Variants in SLC10A7 observed in about 807,000 individuals in gnomAD.
SLC10A7 encodes the protein solute carrier family 10 member 7.
SLC10A7 carries 29 observed loss-of-function variants against 43.2 expected under a neutral mutation model. The observed-to-expected ratio is 0.67, with a 90% CI of 0.50 to 0.92. The LOEUF (loss-of-function observed/expected upper bound fraction) is 0.92, where lower values mean the gene tolerates loss of function less well. Ranked by LOEUF, SLC10A7 falls within the 40% of genes least tolerant of loss-of-function variation. SLC10A7 has a pLI of 0.00. For missense variants in SLC10A7, 295 were observed against 403.2 expected (o/e 0.73, Z 2.30); for synonymous variants, 152 against 144.8 (o/e 1.05, Z -0.35).
chr4:146,276,081 T>C (rs1030703533), intron 10 of SLC10A7, among the ~76,000 whole-genome samples: 7 of 152,192 alleles, frequency 4.6e-5, no homozygotes, highest in Non-Finnish European at 7.3e-5. Flanking sequence ...CAGATTCTTA[T>C]AGCAAGTGGG....
chr4:146,353,076 C>CA lies in SLC10A7; in HGVS notation c.436-27081dup, dbSNP rs1349138410. Among the ~76,000 whole-genome samples the CA allele has an allele frequency of 4.6e-5, 7 of 151,300 alleles. No individual in the cohort carries two copies. The East Asian group carries it at 9.7e-4, about 21-fold the overall frequency. ...GGAAATAGAGAAACAAAAAACCCTT[C>CA]AAAAAATCAATGAATCCAGGAGCTG... is the stretch of plus-strand genomic sequence containing the variant. On this transcript the variant is annotated intron_variant, in intron 5 of 11. Transcript: ENST00000335472.
Position 146,294,021 on chromosome 4 carries a change from G to A in SLC10A7, c.630C>T (p.Leu210=). 6.2e-7 allele frequency: 1 copy of A among 1,612,512 alleles called. No individual in the cohort carries two copies. Among genetic ancestry groups the A allele is most frequent in the Non-Finnish European group, 8.5e-7 (1 of 1,178,968 alleles). Residue 210 remains leucine (L), a synonymous_variant, in exon 8 of 12, where the codon CTC becomes CTT. Transcript: ENST00000335472. ...PPFGAISSSV[L]LMIIYTTFCD... ...AGAATGTTGTGTAGATGATCATGAGGAGTACACTGCTGCTGATAGCACCAA... is the reference window on the plus strand; with the variant it reads ...AGAATGTTGTGTAGATGATCATGAGAAGTACACTGCTGCTGATAGCACCAA...
chr4:146,388,554 C>T (rs1468631975), intron 5 of SLC10A7, among the ~76,000 whole-genome samples: 4 of 151,942 alleles, frequency 2.6e-5, no homozygotes, highest in Admixed American at 2.6e-4. Flanking sequence ...GTCAGCTGAT[C>T]GAGACCATCC....
chr4:146,283,221 A>C lies in SLC10A7; in HGVS notation c.818T>G (p.Phe273Cys), dbSNP rs1245661777. Residue 273 changes from phenylalanine (F) to cysteine (C), a missense_variant, in exon 10 of 12, where the codon TTC becomes TGC. By Grantham distance (205) the Phe-to-Cys change is radical (BLOSUM62 -2). Transcript: ENST00000335472. ...FTPADTVAII[F>C]CSTHKSLTLG... is the part of the protein sequence containing the mutation. ...TGTAAGGGATTTGTGTGTAGAACAG[A>C]AAATGATAGCCACTGTGTCTGCTGG... The C allele has an allele frequency of 5.0e-6, 8 of 1,613,460 alleles. No homozygotes were observed. The highest frequency in any genetic ancestry group is 6.8e-6 in the Non-Finnish European group (8 of 1,179,572).
intron 4 of SLC10A7, among the ~76,000 whole-genome samples, chr4:146,489,822 A>G (rs567388388): frequency 2.0e-5 from 3 of 152,214 alleles, no homozygotes; most frequent in Admixed American, 2.0e-4. Flanking sequence ...TATTTAGCAA[A>G]CAAGCTTCTA....
At chr4:146,326,843 T>G (rs1733142793) in intron 5 of SLC10A7, among the ~76,000 whole-genome samples, 1 of 152,130 alleles carries the variant, frequency 6.6e-6, no homozygotes, top group South Asian at 2.1e-4. Flanking sequence ...TTTTTATTAA[T>G]GAATTCTACT....
intron 5 of SLC10A7, among the ~76,000 whole-genome samples, chr4:146,366,794 C>T (rs1451472532): frequency 6.6e-6 from 1 of 152,122 alleles, no homozygotes; most frequent in African/African-American, 2.4e-5. Context: ...ATTTTCCCTT[C>T]ATTTGGAAAT....
At chr4:146,413,100 A>T (rs1379180211) in intron 5 of SLC10A7, among the ~76,000 whole-genome samples, 1 of 152,154 alleles carries the variant, frequency 6.6e-6, no homozygotes, top group African/African-American at 2.4e-5. Flanking sequence ...TTAAAAATTG[A>T]TATTTATGGA....
intron 5 of SLC10A7, among the ~76,000 whole-genome samples, chr4:146,345,276 A>C (rs1403134985): frequency 6.6e-6 from 1 of 152,156 alleles, no homozygotes; most frequent in African/African-American, 2.4e-5. Flanking sequence ...GACCAATGCT[A>C]CATCTAGGAA....
At chr4:146,507,626 T>A (rs1346509759) in intron 3 of SLC10A7, among the ~76,000 whole-genome samples, 1 of 152,168 alleles carries the variant, frequency 6.6e-6, no homozygotes, top group Non-Finnish European at 1.5e-5. Context: ...GTTTCCTCCA[T>A]GACTACTGCC....
In SLC10A7 at chr4:146,521,757, T is replaced by G; in HGVS notation, c.-40A>C. On this transcript the variant is annotated 5_prime_UTR_variant, in exon 1 of 12. Transcript: ENST00000335472. The stretch of plus-strand genomic sequence containing the variant: ...GTGGGTTTTGTTTATTTGTTTGGCT[T>G]TTTTTCTTTTCAAGCTCCGATCACC... 7 of 1,553,858 alleles carry G rather than the reference T, an allele frequency of 4.5e-6. No homozygotes were observed. Among genetic ancestry groups the G allele is most frequent in the Non-Finnish European group, 6.2e-6 (7 of 1,126,042 alleles).
chr4:146,281,308 A>G (rs1174084641), intron 10 of SLC10A7, among the ~76,000 whole-genome samples: 1 of 152,108 alleles, frequency 6.6e-6, no homozygotes, highest in Non-Finnish European at 1.5e-5. Flanking sequence ...AACTAGCTCT[A>G]GCACAGAACA....
intron 10 of SLC10A7, among the ~76,000 whole-genome samples, chr4:146,268,964 A>AT (rs966040766): frequency 6.5e-4 from 99 of 152,216 alleles, no homozygotes; most frequent in African/African-American, 2.2e-3. Context: ...CAAGAGAGAT[A>AT]CACCTTTCAA....
At chr4:146,315,744 T>C (rs1732282343) in intron 6 of SLC10A7, among the ~76,000 whole-genome samples, 1 of 152,130 alleles carries the variant, frequency 6.6e-6, no homozygotes. Flanking sequence ...GATTAATCTT[T>C]GTAGTACTCA....
At chr4:146,433,495 A>G (rs1333194383) in intron 5 of SLC10A7, among the ~76,000 whole-genome samples, 1 of 152,198 alleles carries the variant, frequency 6.6e-6, no homozygotes, top group Non-Finnish European at 1.5e-5. Context: ...AGTTTGCTAA[A>G]GCTTTTTTAG....
intron 2 of SLC10A7, among the ~76,000 whole-genome samples, chr4:146,510,447 G>C (rs1397760454): frequency 6.6e-6 from 1 of 151,942 alleles, no homozygotes; most frequent in South Asian, 2.1e-4. Flanking sequence ...ATTTTAGTAG[G>C]ATGGGATTTC....
intron 5 of SLC10A7, among the ~76,000 whole-genome samples, chr4:146,363,745 G>C (rs941646895): frequency 2.6e-5 from 4 of 152,034 alleles, no homozygotes; most frequent in African/African-American, 9.7e-5. Context: ...ATATGCTCCC[G>C]AACAACCACT....
intron 2 of SLC10A7, 114 bp downstream of exon 2, chr4:146,516,924 A>C: frequency 1.4e-6 from 1 of 740,622 alleles, no homozygotes. Flanking sequence ...CTTCTGCTAT[A>C]GTGAATCCTT....
chr4:146,384,796 C>T (rs1269338738), intron 5 of SLC10A7, among the ~76,000 whole-genome samples: 1 of 151,990 alleles, frequency 6.6e-6, no homozygotes, highest in East Asian at 1.9e-4. Context: ...TGAAGGAAAA[C>T]ATGACAAACT....
Sources: allele counts gnomAD v4.1 joint callset (sites outside exome capture counted in the v4.1 genomes callset), GRCh38; gene constraint gnomAD v4.1.1; transcripts MANE v1.5; gene names NCBI Gene and HGNC (gene_info 2026-07-23, HGNC 2026-07-21).